Variants in REEP3 observed in about 807,000 individuals in gnomAD.
REEP3 encodes receptor expression-enhancing protein 3.
A neutral mutation model predicts 41.3 loss-of-function variants in REEP3; 20 were observed. That is an observed-to-expected ratio of 0.48 (90% CI 0.34 to 0.70). REEP3 has a LOEUF of 0.70. Among genes scored for constraint, REEP3 ranks in the 30% least tolerant of loss-of-function variants. The pLI, the probability that REEP3 is intolerant of heterozygous loss-of-function variation, is 0.01. For synonymous variants in REEP3, 104 were observed against 101.8 expected, an observed-to-expected ratio of 1.02 and a Z score of -0.13; for missense variants, 271 against 308.8, an observed-to-expected ratio of 0.88 and a Z score of 0.92.
intron 1 of REEP3, among the ~76,000 whole-genome samples, chr10:63,559,679 A>G (rs1955722933): frequency 6.6e-6 from 1 of 152,206 alleles, no homozygotes; most frequent in Non-Finnish European, 1.5e-5. Context: ...CAGTCTTTGC[A>G]TCTGTAAAAT....
intron 1 of REEP3, among the ~76,000 whole-genome samples, chr10:63,549,923 T>G (rs888206580): frequency 6.6e-6 from 1 of 152,180 alleles, no homozygotes; most frequent in Non-Finnish European, 1.5e-5. Flanking sequence ...ATGGTTTATA[T>G]AGGGCAGTGC....
rs568599901 is a variant in REEP3, at chr10:63,608,084, G to A, written c.418-2103G>A. On this transcript the variant is annotated intron_variant, in intron 5 of 7. Transcript: ENST00000373758. Reference sequence around the variant, plus strand: ...TTGCTGAGAGAAGGCACAGAACTACGAAGATGAAATAAAGAGAATGACATT... The same window carrying A: ...TTGCTGAGAGAAGGCACAGAACTACAAAGATGAAATAAAGAGAATGACATT... Among the ~76,000 whole-genome samples, 10 of 152,302 alleles carry A rather than the reference G, an allele frequency of 6.6e-5. No individual in the cohort carries two copies. In the East Asian group the frequency reaches 1.3e-3, roughly 21 times the overall value.
chr10:63,536,704 C>T (rs1469513909), intron 1 of REEP3, among the ~76,000 whole-genome samples: 2 of 152,030 alleles, frequency 1.3e-5, no homozygotes, highest in African/African-American at 4.8e-5. Context: ...GACAAATGAA[C>T]TGGTATCTCA....
intron 1 of REEP3, among the ~76,000 whole-genome samples, chr10:63,542,546 A>G (rs932226109): frequency 6.6e-6 from 1 of 152,228 alleles, no homozygotes; most frequent in Admixed American, 6.5e-5. Context: ...AAAGAAGTAT[A>G]TTATCTATAT....
At position 63,538,455 on chromosome 10, in the gene REEP3, C is replaced by T. The variant is rs1015645033; in HGVS notation, c.32+16878C>T. On this transcript the variant is annotated intron_variant, in intron 1 of 7. Coordinates refer to ENST00000373758, the MANE Select transcript of REEP3 (RefSeq NM_001001330.3). Reference sequence around the variant, plus strand: ...TTTATATAAGACGAGGAAAACGGGCCGGGTGCGGTGGCTCACATGTATAAT... The same window carrying T: ...TTTATATAAGACGAGGAAAACGGGCTGGGTGCGGTGGCTCACATGTATAAT... 6.6e-5 allele frequency among the ~76,000 whole-genome samples: 10 copies of T among 152,172 alleles called. No individual in the cohort carries two copies. In the East Asian group the frequency reaches 7.7e-4, roughly 12 times the overall value.
intron 1 of REEP3, among the ~76,000 whole-genome samples, chr10:63,549,263 G>T (rs1049912169): frequency 8.5e-5 from 13 of 152,226 alleles, no homozygotes; most frequent in Admixed American, 5.9e-4. Flanking sequence ...GGTGTGGAGT[G>T]GGGAGAGAGA....
intron 1 of REEP3, among the ~76,000 whole-genome samples, chr10:63,533,883 T>G (rs1168294882): frequency 6.6e-6 from 1 of 151,766 alleles, no homozygotes; most frequent in Non-Finnish European, 1.5e-5. Flanking sequence ...ATTTTTGGTA[T>G]TATTGGTAGA....
intron 1 of REEP3, among the ~76,000 whole-genome samples, chr10:63,547,342 A>G (rs1955588898): frequency 6.6e-6 from 1 of 152,250 alleles, no homozygotes; most frequent in African/African-American, 2.4e-5. Context: ...ACTTCTCTTC[A>G]TCAAAGACAC....
chr10:63,545,624 C>T (rs1955570305), intron 1 of REEP3, among the ~76,000 whole-genome samples: 3 of 150,664 alleles, frequency 2.0e-5, no homozygotes, highest in South Asian at 2.1e-4. Context: ...CCACCCACCT[C>T]GGCCTCCCAA....
chr10:63,538,712 C>T (rs1007087266), intron 1 of REEP3, among the ~76,000 whole-genome samples: 18 of 151,844 alleles, frequency 1.2e-4, no homozygotes, highest in Admixed American at 2.6e-4. Flanking sequence ...CCAGCCTGGG[C>T]GACAGAGCGA....
At chr10:63,542,801 T>G (rs1955540548) in intron 1 of REEP3, among the ~76,000 whole-genome samples, 2 of 152,184 alleles carry the variant, frequency 1.3e-5, no homozygotes, top group African/African-American at 4.8e-5. Flanking sequence ...TTAAGTAAGG[T>G]GACTTTAACA....
At chr10:63,564,084 T>C (rs770261489) in intron 1 of REEP3, among the ~76,000 whole-genome samples, 10 of 152,194 alleles carry the variant, frequency 6.6e-5, no homozygotes, top group Non-Finnish European at 1.0e-4. Context: ...GTTTAATTGA[T>C]AAACAAAAAT....
rs887149649 is a variant in REEP3 at position 63,522,611 on chromosome 10, G to T, written c.32+1034G>T. Among the ~76,000 whole-genome samples the T allele has an allele frequency of 1.3e-5, 2 of 152,150 alleles. 1 individual carries two copies. The highest frequency in any genetic ancestry group is 4.1e-4 in the South Asian group (2 of 4,834). On this transcript the variant is annotated intron_variant, in intron 1 of 7. Transcript: ENST00000373758. ...AAAAAATGTTTATGTGAGGGGGCAG[G>T]CTTCTCTGATAAGCTTTAGAATTTA...
intron 6 of REEP3, among the ~76,000 whole-genome samples, chr10:63,611,137 C>G (rs72838794): frequency 2.6e-5 from 4 of 152,058 alleles, no homozygotes; most frequent in African/African-American, 7.2e-5. Flanking sequence ...AACAAAGTAG[C>G]CTCTTTTGCT....
intron 5 of REEP3, among the ~76,000 whole-genome samples, chr10:63,604,093 C>T (rs770533381): frequency 4.6e-5 from 7 of 152,108 alleles, no homozygotes; most frequent in Non-Finnish European, 1.0e-4. Flanking sequence ...CTTTGAAGAA[C>T]GGGTAATAAC....
intron 1 of REEP3, among the ~76,000 whole-genome samples, chr10:63,536,174 G>A (rs1450627827): frequency 6.6e-6 from 1 of 152,204 alleles, no homozygotes; most frequent in Non-Finnish European, 1.5e-5. Context: ...TCACACAGCT[G>A]CCAAGTAGCA....
intron 2 of REEP3, among the ~76,000 whole-genome samples, chr10:63,578,594 G>A (rs114053978): frequency 0.01 from 1,538 of 152,048 alleles, 11 homozygotes; most frequent in Middle Eastern, 0.031. Context: ...GGGCAACTTG[G>A]TAAAACCCCG....
intron 1 of REEP3, among the ~76,000 whole-genome samples, chr10:63,534,632 G>C (rs999256797): frequency 6.6e-6 from 1 of 152,152 alleles, no homozygotes; most frequent in African/African-American, 2.4e-5. Flanking sequence ...CAGATGTATT[G>C]TCTCTGTGTA....
chr10:63,562,207 C>G (rs1336559069), intron 1 of REEP3, among the ~76,000 whole-genome samples: 1 of 150,440 alleles, frequency 6.6e-6, no homozygotes, highest in Non-Finnish European at 1.5e-5. Context: ...TGGGGGTTGG[C>G]AGTTCAGTGA....
Sources: gnomAD v4.1 joint callset for allele counts (sites outside exome capture counted in the v4.1 genomes callset) on GRCh38, gnomAD v4.1.1 for gene constraint, MANE v1.5 for transcripts, NCBI Gene and HGNC (gene_info 2026-07-23, HGNC 2026-07-21) for gene names.